Variants in REEP3 observed in about 807,000 individuals in gnomAD.
The protein encoded by REEP3 is receptor accessory protein 3.
A neutral mutation model predicts 41.3 loss-of-function variants in REEP3; 20 were observed. That is an observed-to-expected ratio of 0.48 (90% CI 0.34 to 0.70). The LOEUF is 0.70. Among genes scored for constraint, REEP3 ranks in the 30% least tolerant of loss-of-function variants. REEP3 has a pLI of 0.01. For synonymous variants in REEP3, 104 were observed against 101.8 expected (o/e 1.02, Z -0.13); for missense variants, 271 against 308.8 (o/e 0.88, Z 0.92).
intron 7 of REEP3, among the ~76,000 whole-genome samples, chr10:63,620,414 T>C (rs1956344979): frequency 6.6e-6 from 1 of 152,166 alleles, no homozygotes. Flanking sequence ...TGAATAAAAT[T>C]AACCACACAG....
intron 2 of REEP3, among the ~76,000 whole-genome samples, chr10:63,585,331 C>T (rs531632779): frequency 3.4e-4 from 51 of 152,052 alleles, no homozygotes; most frequent in Non-Finnish European, 4.4e-4. Flanking sequence ...AGGAAAAGTA[C>T]GGTACACAGA....
At chr10:63,545,470 G>A (rs1183993090) in intron 1 of REEP3, among the ~76,000 whole-genome samples, 1 of 152,028 alleles carries the variant, frequency 6.6e-6, no homozygotes, top group East Asian at 1.9e-4. Context: ...CGCCTCCCAA[G>A]TTCAAGTGAT....
intron 4 of REEP3, among the ~76,000 whole-genome samples, chr10:63,598,834 G>A (rs1443110635): frequency 2.0e-5 from 3 of 151,220 alleles, no homozygotes; most frequent in East Asian, 1.9e-4. Flanking sequence ...GCTCATGCCT[G>A]TAATCCCAAC....
intron 6 of REEP3, among the ~76,000 whole-genome samples, chr10:63,614,326 C>T (rs943526442): frequency 6.6e-6 from 1 of 152,142 alleles, no homozygotes; most frequent in Non-Finnish European, 1.5e-5. Context: ...CAGCTTGAAA[C>T]AATCATGGTC....
In REEP3 at chr10:63,621,418, G is replaced by A. The variant is rs956712208; in HGVS notation, c.*549G>A. The A allele has an allele frequency of 6.5e-6, 1 of 152,698 alleles. No homozygotes were observed. The allele number at this position is 152,698 out of a possible 1,614,324, so 9.5% of individuals were successfully genotyped here. ...TTTTGAAACAAATATTTGAAAACCA[G>A]GTATCCACACATAGCACTTTTATTC... On this transcript the variant is annotated 3_prime_UTR_variant, in exon 8 of 8. Transcript: ENST00000373758.
At chr10:63,574,690 T>C (rs1033204019) in intron 2 of REEP3, among the ~76,000 whole-genome samples, 2 of 152,090 alleles carry the variant, frequency 1.3e-5, no homozygotes, top group African/African-American at 4.8e-5. Context: ...GTTCTCTGTG[T>C]TCTTACTCTG....
At chr10:63,611,755 A>T (rs953911345) in intron 6 of REEP3, among the ~76,000 whole-genome samples, 75 of 151,834 alleles carry the variant, frequency 4.9e-4, no homozygotes, top group African/African-American at 1.4e-3. Flanking sequence ...GTTCCTTCTT[A>T]AAAAAGGAAA....
chr10:63,584,610 G>C (rs1023122754), intron 2 of REEP3, among the ~76,000 whole-genome samples: 1 of 151,676 alleles, frequency 6.6e-6, no homozygotes, highest in Admixed American at 6.6e-5. Flanking sequence ...CTCACATTTT[G>C]TTCCTCTTTG....
chr10:63,593,145 G>A (rs1340353353), intron 2 of REEP3, among the ~76,000 whole-genome samples: 1 of 152,174 alleles, frequency 6.6e-6, no homozygotes, highest in Non-Finnish European at 1.5e-5. Context: ...TTTCTATTGG[G>A]TTGTTCATGT....
At chr10:63,578,191 G>A (rs1452870784) in intron 2 of REEP3, among the ~76,000 whole-genome samples, 3 of 152,024 alleles carry the variant, frequency 2.0e-5, no homozygotes, top group African/African-American at 4.8e-5. Context: ...CCTCCACCTC[G>A]CAGGTTCAAG....
intron 1 of REEP3, among the ~76,000 whole-genome samples, chr10:63,546,447 G>C (rs1329546956): frequency 6.6e-6 from 1 of 152,110 alleles, no homozygotes; most frequent in Non-Finnish European, 1.5e-5. Flanking sequence ...TAGGGAGTAA[G>C]TATACCTAGA....
At chr10:63,560,435 T>C (rs1420296020) in intron 1 of REEP3, among the ~76,000 whole-genome samples, 1 of 152,220 alleles carries the variant, frequency 6.6e-6, no homozygotes, top group East Asian at 1.9e-4. Context: ...AGAAAATAGC[T>C]GTTTTAAGTA....
At chr10:63,561,369 TAAGG>T (rs1423039315) in intron 1 of REEP3, among the ~76,000 whole-genome samples, 4 of 150,280 alleles carry the variant, frequency 2.7e-5, no homozygotes, top group Non-Finnish European at 4.4e-5. Flanking sequence ...GTGTTTTAAT[TAAGG>T]AAGAAAATAA....
chr10:63,574,250 G>C (rs1955878287), intron 2 of REEP3, among the ~76,000 whole-genome samples: 2 of 152,092 alleles, frequency 1.3e-5, no homozygotes, highest in South Asian at 4.1e-4. Context: ...CTATACACTT[G>C]CATATTTCTC....
rs1293558293 is a variant in REEP3, at chr10:63,610,167, A to C, written c.418-20A>C. On this transcript the variant is annotated intron_variant, in intron 5 of 7. Transcript: ENST00000373758. ...ATACTAAATATTTTTTCTTGGACCT[A>C]TCACTTCTCTGTTAAATAGAGCCAA... is the stretch of plus-strand genomic sequence containing the variant. 6.3e-7 allele frequency: 1 copy of C among 1,599,308 alleles called. No homozygotes were observed. Among genetic ancestry groups the C allele is most frequent in the South Asian group, 1.1e-5 (1 of 88,212 alleles).
intron 2 of REEP3, among the ~76,000 whole-genome samples, chr10:63,567,729 A>G (rs1280614147): frequency 6.6e-6 from 1 of 152,146 alleles, no homozygotes; most frequent in Non-Finnish European, 1.5e-5. Context: ...GGAATCTTGG[A>G]TGATAGTCTT....
chr10:63,572,937 T>A (rs574559466), intron 2 of REEP3, among the ~76,000 whole-genome samples: 1 of 152,350 alleles, frequency 6.6e-6, no homozygotes, highest in African/African-American at 2.4e-5. Context: ...TTTACCAGCT[T>A]TGATTCTGCT....
chr10:63,599,310 C>A, intron 5 of REEP3, 27 bp downstream of exon 5: 1 of 1,039,716 alleles, frequency 9.6e-7, no homozygotes, highest in South Asian at 1.7e-5. Context: ...CTTTTTAATC[C>A]AATGTCATAT....
intron 1 of REEP3, among the ~76,000 whole-genome samples, chr10:63,556,603 TCTG>T (rs1955684028): frequency 7.2e-6 from 1 of 138,928 alleles, no homozygotes; most frequent in African/African-American, 2.7e-5. Context: ...TGTTTTGTTT[TCTG>T]TTTGCTTGTT....
Sources: gnomAD v4.1 joint callset for allele counts (sites outside exome capture counted in the v4.1 genomes callset) on GRCh38, gnomAD v4.1.1 for gene constraint, MANE v1.5 for transcripts, NCBI Gene and HGNC (gene_info 2026-07-23, HGNC 2026-07-21) for gene names.